The following FIRRM variants were observed in gnomAD, a reference collection of about 807,000 sequenced individuals.
FIRRM encodes FIGNL1 interacting regulator of recombination and mitosis.
the FIRRM span, among the ~76,000 whole-genome samples, chr1:169,822,089 T>G: frequency 6.6e-6 from 1 of 152,164 alleles, no homozygotes; most frequent in East Asian, 1.9e-4. Context: ...AGAGAAAACT[T>G]TGCTTCCCTA....
chr1:169,842,265 C>A, the FIRRM span: 1 of 585,616 alleles, frequency 1.7e-6, no homozygotes, highest in Non-Finnish European at 2.7e-6. Flanking sequence ...TGTTAAATAG[C>A]TGAAAAGATG....
chr1:169,816,206 G>A, the FIRRM span, among the ~76,000 whole-genome samples: 1 of 21,376 alleles, frequency 4.7e-5, no homozygotes, highest in South Asian at 2.4e-3. Context: ...TCCATGAACT[G>A]GGCAACTGTT....
At chr1:169,806,004 T>G in the FIRRM span, 1 of 1,581,166 alleles carries the variant, frequency 6.3e-7, no homozygotes. Flanking sequence ...TTCTTTGCAG[T>G]TATTCATTCT....
the FIRRM span, among the ~76,000 whole-genome samples, chr1:169,846,705 C>CTTTGGA: frequency 6.6e-6 from 1 of 152,172 alleles, no homozygotes; most frequent in Non-Finnish European, 1.5e-5. Context: ...GAGGGCCTGG[C>CTTTGGA]TTTGGATTTG....
the FIRRM span, among the ~76,000 whole-genome samples, chr1:169,826,823 A>G: frequency 6.6e-6 from 1 of 152,194 alleles, no homozygotes; most frequent in African/African-American, 2.4e-5. Flanking sequence ...CTCTAAGATT[A>G]TCAACTTCTC....
At chr1:169,808,847 C>T in the FIRRM span, among the ~76,000 whole-genome samples, 1 of 152,196 alleles carries the variant, frequency 6.6e-6, no homozygotes, top group Non-Finnish European at 1.5e-5. Flanking sequence ...GGTCCACCCG[C>T]CTTGGCCTCC....
At chr1:169,830,787 G>C in the FIRRM span, 1 of 1,534,616 alleles carries the variant, frequency 6.5e-7, no homozygotes, top group Non-Finnish European at 9.0e-7. Context: ...CACTTTCTAT[G>C]CACTTCCTTT....
chr1:169,821,962 A>G, the FIRRM span, among the ~76,000 whole-genome samples: 56 of 151,438 alleles, frequency 3.7e-4, 1 homozygote, highest in Middle Eastern at 0.01. Flanking sequence ...TTAGAAAGTA[A>G]AAAAAAAATA....
At chr1:169,791,763 T>C in the FIRRM span, among the ~76,000 whole-genome samples, 1 of 152,360 alleles carries the variant, frequency 6.6e-6, no homozygotes, top group East Asian at 1.9e-4. Context: ...CCGATTATTT[T>C]AGCTACTTCC....
chr1:169,807,945 A>T, the FIRRM span: 3 of 1,596,436 alleles, frequency 1.9e-6, no homozygotes, highest in Non-Finnish European at 2.6e-6. Flanking sequence ...ATTTGGGCTA[A>T]TAGCATTTTA....
At chr1:169,803,990 T>G in the FIRRM span, 1 of 816,004 alleles carries the variant, frequency 1.2e-6, no homozygotes, top group Non-Finnish European at 1.7e-6. Context: ...AGTAAATTTA[T>G]GATCTCTAAT....
At chr1:169,785,626 G>C in the FIRRM span, among the ~76,000 whole-genome samples, 2 of 152,054 alleles carry the variant, frequency 1.3e-5, no homozygotes, top group African/African-American at 4.8e-5. Context: ...CTGCCATGCT[G>C]TTCTGCCGTT....
At chr1:169,824,462 A>ACAAATAC in the FIRRM span, among the ~76,000 whole-genome samples, 35 of 152,200 alleles carry the variant, frequency 2.3e-4, 1 homozygote, top group Non-Finnish European at 3.7e-4. Flanking sequence ...TCTTGACTCT[A>ACAAATAC]CGTCCTCCTA....
chr1:169,808,454 G>A, the FIRRM span, among the ~76,000 whole-genome samples: 1 of 151,992 alleles, frequency 6.6e-6, no homozygotes, highest in Non-Finnish European at 1.5e-5. Context: ...CTAAAAATTT[G>A]TAGTACGATT....
chr1:169,849,643 C>A, the FIRRM span: 1 of 1,438,716 alleles, frequency 7.0e-7, no homozygotes, highest in South Asian at 1.2e-5. Context: ...ACTTTCAAAC[C>A]ATTTTAATAT....
chr1:169,787,024 TTA>T, the FIRRM span, among the ~76,000 whole-genome samples: 3 of 152,156 alleles, frequency 2.0e-5, no homozygotes, highest in Admixed American at 2.0e-4. Flanking sequence ...GCTAACTGGA[TTA>T]TGTTTAGAGG....
At chr1:169,840,477 C>G in the FIRRM span, among the ~76,000 whole-genome samples, 1 of 150,990 alleles carries the variant, frequency 6.6e-6, no homozygotes, top group African/African-American at 2.4e-5. Context: ...GTGCGTGTAT[C>G]TACTGTAAAC....
At chr1:169,797,669 C>G in the FIRRM span, among the ~76,000 whole-genome samples, 1 of 152,034 alleles carries the variant, frequency 6.6e-6, no homozygotes, top group South Asian at 2.1e-4. Flanking sequence ...CTCAGCCTCC[C>G]GAGTAGCTGA....
chr1:169,818,219 A>C, the FIRRM span, among the ~76,000 whole-genome samples: 1 of 152,220 alleles, frequency 6.6e-6, no homozygotes, highest in Non-Finnish European at 1.5e-5. Context: ...AACCTTGGTA[A>C]GTAAGGAATT....
Sources: allele counts gnomAD v4.1 joint callset (sites outside exome capture counted in the v4.1 genomes callset), GRCh38; gene constraint gnomAD v4.1.1; transcripts MANE v1.5; gene names NCBI Gene and HGNC (gene_info 2026-07-23, HGNC 2026-07-21).